ARHGAP10: variants seen among roughly 807,000 people sequenced by gnomAD.
ARHGAP10 encodes Rho GTPase activating protein 10, also known as rho GTPase-activating protein 10.
Under a neutral mutation model 108.6 loss-of-function variants are expected in ARHGAP10, and 87 were observed. That is an observed-to-expected ratio of 0.80 (90% CI 0.67 to 0.96). The LOEUF (loss-of-function observed/expected upper bound fraction) is 0.96, where lower values mean the gene tolerates loss of function less well. Among genes scored for constraint, ARHGAP10 ranks in the 40% least tolerant of loss-of-function variants. The probability of loss-of-function intolerance (pLI) is 0.00; values close to 1 mark genes in which losing one functional copy is unlikely to be tolerated. For missense variants in ARHGAP10, 939 were observed against 954.5 expected, an observed-to-expected ratio of 0.98 and a Z score of 0.21; for synonymous variants, 347 against 341.1, an observed-to-expected ratio of 1.02 and a Z score of -0.19.
At chr4:147,885,236 G>C (rs552568017) in intron 10 of ARHGAP10, among the ~76,000 whole-genome samples, 1 of 152,172 alleles carries the variant, frequency 6.6e-6, no homozygotes, top group Non-Finnish European at 1.5e-5. Flanking sequence ...CCAAGACTGG[G>C]TAATTTATAA....
chr4:147,950,896 C>A (rs75669754), intron 15 of ARHGAP10, among the ~76,000 whole-genome samples: 6,108 of 152,086 alleles, frequency 0.04, 127 homozygotes, highest in African/African-American at 0.044. Flanking sequence ...TTCTTTTAAG[C>A]CTGGAAATTG....
intron 16 of ARHGAP10, among the ~76,000 whole-genome samples, chr4:147,959,627 C>G (rs1738920008): frequency 6.6e-6 from 1 of 151,928 alleles, no homozygotes; most frequent in Non-Finnish European, 1.5e-5. Context: ...GTTTGGTTTT[C>G]TGTCCTTGCG....
At chr4:148,024,411 C>A (rs1271001268) in intron 19 of ARHGAP10, among the ~76,000 whole-genome samples, 4 of 151,900 alleles carry the variant, frequency 2.6e-5, no homozygotes, top group African/African-American at 9.7e-5. Context: ...AGATACCATG[C>A]CTTCATCATA....
At chr4:147,773,507 C>T (rs6535561) in intron 1 of ARHGAP10, among the ~76,000 whole-genome samples, 114,030 of 152,186 alleles carry the variant, frequency 0.75, 48,737 homozygotes, top group Non-Finnish European at 0.94. Flanking sequence ...TGTTTTACAG[C>T]ATCTATTAGA....
In ARHGAP10 at chr4:147,901,477, A is replaced by G. The variant is rs144378672; in HGVS notation, c.1035-5161A>G. Among the ~76,000 whole-genome samples the G allele has an allele frequency of 5.1e-3, 773 of 152,346 alleles. 5 individuals are homozygous for G. The highest frequency in any genetic ancestry group is 0.02 in the Middle Eastern group (6 of 294). ...CATTACATTATTTGCCAAAATATAA[A>G]CAAATGGAATTCTTTCCTTGTGAAT... On this transcript the variant is annotated intron_variant, in intron 10 of 22. Coordinates refer to ENST00000336498, the MANE Select transcript of ARHGAP10 (RefSeq NM_024605.4).
chr4:147,781,926 C>A (rs918996412), intron 1 of ARHGAP10, among the ~76,000 whole-genome samples: 2 of 152,072 alleles, frequency 1.3e-5, no homozygotes, highest in African/African-American at 4.8e-5. Flanking sequence ...TATTTTAAAT[C>A]TGAGTTTCCA....
At chr4:147,946,741 T>C in intron 15 of ARHGAP10, 37 bp downstream of exon 15, 1 of 1,470,376 alleles carries the variant, frequency 6.8e-7, no homozygotes. Context: ...AAGAATGGAC[T>C]ATTTGGATCT....
chr4:147,732,316 C>A lies in ARHGAP10; in HGVS notation c.15C>A (p.Pro5=), dbSNP rs746561016. 8 of 1,612,346 alleles carry A rather than the reference C, an allele frequency of 5.0e-6. No individual in the cohort carries two copies. In the South Asian group the frequency reaches 6.6e-5, roughly 13 times the overall value. The change falls in exon 1 of 23, where the codon CCC becomes CCA. Residue 5 remains proline, a synonymous_variant. Coordinates refer to ENST00000336498, the MANE Select transcript of ARHGAP10 (RefSeq NM_024605.4). Reference sequence around the variant, plus strand: ...CCGCTGCCGTCATGGGGCTGCAGCCCCTGGAGTTCAGCGACTGCTACCTCG... The same window carrying A: ...CCGCTGCCGTCATGGGGCTGCAGCCACTGGAGTTCAGCGACTGCTACCTCG... MGLQ[P]LEFSDCYLDS...
intron 14 of ARHGAP10, 151 bp from the exon 15 acceptor site, chr4:147,946,466 G>A: frequency 6.8e-6 from 4 of 589,602 alleles, no homozygotes; most frequent in South Asian, 2.7e-5. Context: ...ATAGCTTATA[G>A]TATTTTAGAG....
At chr4:147,755,418 G>A (rs1424687545) in intron 1 of ARHGAP10, among the ~76,000 whole-genome samples, 3 of 152,136 alleles carry the variant, frequency 2.0e-5, no homozygotes, top group Non-Finnish European at 4.4e-5. Context: ...AGCTACTCGG[G>A]AGGCTGAGGC....
chr4:147,755,052 A>T (rs1729311614), intron 1 of ARHGAP10, among the ~76,000 whole-genome samples: 1 of 151,810 alleles, frequency 6.6e-6, no homozygotes. Flanking sequence ...GTTGCACTAC[A>T]GTCTGGGCGA....
At chr4:147,982,439 G>A (rs1344552813) in intron 18 of ARHGAP10, among the ~76,000 whole-genome samples, 2 of 146,890 alleles carry the variant, frequency 1.4e-5, no homozygotes, top group African/African-American at 5.1e-5. Flanking sequence ...GTGCAATCAC[G>A]GCTCACTGCA....
chr4:147,799,880 T>G (rs1731505309), intron 1 of ARHGAP10, among the ~76,000 whole-genome samples: 1 of 152,188 alleles, frequency 6.6e-6, no homozygotes, highest in Non-Finnish European at 1.5e-5. Context: ...GATTTTTGAC[T>G]GTATTCTGGA....
At chr4:147,980,731 T>C (rs1269687969) in intron 18 of ARHGAP10, among the ~76,000 whole-genome samples, 1 of 152,196 alleles carries the variant, frequency 6.6e-6, no homozygotes, top group East Asian at 1.9e-4. Context: ...TATCGGTCTG[T>C]TCAGGATTTC....
chr4:147,863,527 C>T (rs1734415320), intron 5 of ARHGAP10: 1 of 152,110 alleles, frequency 6.6e-6, no homozygotes, highest in Non-Finnish European at 1.5e-5. Context: ...GTCACTTTGC[C>T]CCCTGCTGCT....
At chr4:148,040,285 C>T (rs773709076) in intron 19 of ARHGAP10, among the ~76,000 whole-genome samples, 24 of 152,270 alleles carry the variant, frequency 1.6e-4, no homozygotes, top group Non-Finnish European at 8.8e-5. Context: ...GCTGTAGCCC[C>T]TCTGCCCCAT....
intron 1 of ARHGAP10, among the ~76,000 whole-genome samples, chr4:147,794,275 G>A (rs762405452): frequency 6.6e-6 from 1 of 152,156 alleles, no homozygotes; most frequent in Non-Finnish European, 1.5e-5. Context: ...GCATTAGGAG[G>A]ATTATAAGAA....
intron 1 of ARHGAP10, among the ~76,000 whole-genome samples, chr4:147,747,172 A>G (rs1328800780): frequency 1.3e-5 from 2 of 151,588 alleles, no homozygotes; most frequent in Non-Finnish European, 2.9e-5. Context: ...TTTTTCCCCC[A>G]AAGTATTAAA....
intron 3 of ARHGAP10, among the ~76,000 whole-genome samples, chr4:147,842,722 C>T (rs1733465405): frequency 6.6e-6 from 1 of 152,214 alleles, no homozygotes; most frequent in Non-Finnish European, 1.5e-5. Flanking sequence ...GGGCCTTCCT[C>T]CTCTGCTCCC....
Sources: allele counts gnomAD v4.1 joint callset (sites outside exome capture counted in the v4.1 genomes callset), GRCh38; gene constraint gnomAD v4.1.1; transcripts MANE v1.5; gene names NCBI Gene and HGNC (gene_info 2026-07-23, HGNC 2026-07-21).